Variants in GARS1 observed in about 807,000 individuals in gnomAD.
GARS1 encodes the protein glycine--tRNA ligase.
GARS1 carries 46 observed loss-of-function variants against 86.4 expected under a neutral mutation model. The observed-to-expected ratio is 0.53, with a 90% CI of 0.42 to 0.68. GARS1 has a LOEUF of 0.68. Among genes scored for constraint, GARS1 ranks in the 30% least tolerant of loss-of-function variants. GARS1 has a pLI of 0.00. For missense variants in GARS1, 797 were observed against 915.6 expected, an observed-to-expected ratio of 0.87 and a Z score of 1.67; for synonymous variants, 342 against 329.8, an observed-to-expected ratio of 1.04 and a Z score of -0.40.
chr7:30,606,073 C>T (rs935043923), intron 6 of GARS1, among the ~76,000 whole-genome samples: 12 of 152,140 alleles, frequency 7.9e-5, no homozygotes, highest in African/African-American at 2.9e-4. Context: ...CTGGATTTGG[C>T]TAATTACGTT....
intron 2 of GARS1, among the ~76,000 whole-genome samples, chr7:30,599,669 C>A (rs1270620619): frequency 6.6e-6 from 1 of 152,156 alleles, no homozygotes; most frequent in Middle Eastern, 3.2e-3. Context: ...TCCCAAAGTA[C>A]TGGGATTACA....
rs1783245742 is a variant in GARS1, at chr7:30,632,130, T to C, written c.1904-117T>C. 2 of 945,272 alleles carry C rather than the reference T, an allele frequency of 2.1e-6. No individual in the cohort carries two copies. Among genetic ancestry groups the C allele is most frequent in the South Asian group, 1.4e-5 (1 of 70,892 alleles). The allele number at this position is 945,272 out of a possible 1,614,324, so 58.6% of individuals were successfully genotyped here. Reference sequence around the variant, plus strand: ...TTTCTTTCTCTTGCAACTCAACTTGTTGCTTTCTTGTCTTGGTCCCATTTA... The same window carrying C: ...TTTCTTTCTCTTGCAACTCAACTTGCTGCTTTCTTGTCTTGGTCCCATTTA... On this transcript the variant is annotated intron_variant, in intron 15 of 16. Coordinates refer to ENST00000389266, the MANE Select transcript of GARS1 (RefSeq NM_002047.4). This position sits in a 1 kb window ranked among gnomAD's most constrained non-coding sequence, Gnocchi z 4.1.
chr7:30,620,639 T>C lies in GARS1; in HGVS notation c.1360-754T>C, dbSNP rs1268769558. ...TAAAAGTATCTTATGTGTGTATTTA[T>C]AAGAAAGGGAACCTGGCATCAATGT... On this transcript the variant is annotated intron_variant, in intron 10 of 16. Coordinates refer to ENST00000389266, the MANE Select transcript of GARS1 (RefSeq NM_002047.4). Among the ~76,000 whole-genome samples, 3 of 152,258 alleles carry C rather than the reference T, an allele frequency of 2.0e-5. No individual in the cohort carries two copies. In the East Asian group the frequency reaches 5.8e-4, roughly 29 times the overall value.
chr7:30,619,365 A>G (rs897073822), intron 10 of GARS1, among the ~76,000 whole-genome samples: 4 of 152,212 alleles, frequency 2.6e-5, no homozygotes, highest in Admixed American at 6.5e-5. Context: ...TAGAGAGTTT[A>G]ATACTTTTTG....
chr7:30,601,113 T>C lies in GARS1; in HGVS notation c.482T>C (p.Ile161Thr). The change falls in exon 4 of 17, where the codon ATT becomes ACT. Residue 161 changes from isoleucine (I) to threonine (T), a missense_variant. Coordinates refer to ENST00000389266, the MANE Select transcript of GARS1 (RefSeq NM_002047.4). ...GTTGGCTGTGCTTTGAAGAACAATA[T>C]TATTCAGACCTGGAGGCAGCACTTT... ...GPVGCALKNNIIQTWRQHFIQ... is the reference protein window; with the variant it reads ...GPVGCALKNNTIQTWRQHFIQ... 6.2e-7 allele frequency: 1 copy of C among 1,614,040 alleles called. No homozygotes were observed. The highest frequency in any genetic ancestry group is 1.1e-5 in the South Asian group (1 of 91,074).
chr7:30,609,718 G>A lies in GARS1; in HGVS notation c.869G>A (p.Gly290Glu), dbSNP rs1791558928. ...LMFKTFIGPG[G>E]NMPGYLRPET... ...TTCAAGACTTTCATTGGGCCTGGAG[G>A]AAACATGCCTGGGTATGTATCACTT... The change falls in exon 7 of 17, where the codon GGA (glycine) becomes GAA (glutamate). Residue 290 changes from glycine (G) to glutamate (E), a missense_variant. By Grantham distance (98) the Gly-to-Glu change is moderately conservative. Around this residue, in one of 2 missense-constraint regions of GARS1, gnomAD observed 598 missense variants for 738.7 expected, o/e 0.81. Transcript: ENST00000389266. 2.5e-6 allele frequency: 4 copies of A among 1,613,600 alleles called. No individual in the cohort carries two copies. The highest frequency in any genetic ancestry group is 3.4e-6 in the Non-Finnish European group (4 of 1,179,668).
At chr7:30,629,505 A>G (rs747266115) in intron 14 of GARS1, among the ~76,000 whole-genome samples, 1 of 152,160 alleles carries the variant, frequency 6.6e-6, no homozygotes, top group African/African-American at 2.4e-5. Context: ...GAGAGGTTGT[A>G]TATGTCAGGT....
At chr7:30,612,355 ATT>A (rs1782777345) in intron 8 of GARS1, 110 bp downstream of exon 8, 2 of 1,063,270 alleles carry the variant, frequency 1.9e-6, no homozygotes, top group South Asian at 2.7e-5. Context: ...TTATGAATTT[ATT>A]TTTGTTTTCT....
intron 6 of GARS1, among the ~76,000 whole-genome samples, chr7:30,607,192 T>C (rs1247054027): frequency 2.0e-5 from 3 of 152,274 alleles, no homozygotes; most frequent in Non-Finnish European, 4.4e-5. Context: ...CAGCTAGATA[T>C]GCAGTTAGTC....
chr7:30,612,230 G>A lies in GARS1; in HGVS notation c.1016G>A (p.Gly339Glu), dbSNP rs1157877525. The A allele has an allele frequency of 6.2e-7, 1 of 1,613,992 alleles. No individual in the cohort carries two copies. The highest frequency in any genetic ancestry group is 8.5e-7 in the Non-Finnish European group (1 of 1,179,988). ...SFRNEISPRS[G>E]LIRVREFTMA... ...AGAAATGAGATCTCCCCTCGATCTGGACTGATCAGAGTCAGGTACTGCTCA... is the reference window on the plus strand; with the variant it reads ...AGAAATGAGATCTCCCCTCGATCTGAACTGATCAGAGTCAGGTACTGCTCA... The change falls in exon 8 of 17, where the codon GGA (glycine) becomes GAA (glutamate). Residue 339 changes from glycine (G) to glutamate (E), a missense_variant. Physicochemically the swap from Gly to Glu is moderately conservative, Grantham distance 98. Transcript: ENST00000389266.
At chr7:30,595,589 A>G (rs1304029999) in intron 1 of GARS1, among the ~76,000 whole-genome samples, 1 of 152,168 alleles carries the variant, frequency 6.6e-6, no homozygotes, top group East Asian at 1.9e-4. Context: ...TCAGTGGTCA[A>G]TGATGAGCCG....
chr7:30,612,237 C>G lies in GARS1; in HGVS notation c.1023C>G (p.Ile341Met). Residue 341 changes from isoleucine to methionine, a missense_variant, in exon 8 of 17, where the codon ATC becomes ATG. Transcript: ENST00000389266. The stretch of plus-strand genomic sequence containing the variant: ...AGATCTCCCCTCGATCTGGACTGAT[C>G]AGAGTCAGGTACTGCTCAGGTTACT... ...RNEISPRSGL[I>M]RVREFTMAEI... The G allele has an allele frequency of 6.2e-7, 1 of 1,614,076 alleles. No individual in the cohort carries two copies. Among genetic ancestry groups the G allele is most frequent in the Non-Finnish European group, 8.5e-7 (1 of 1,179,938 alleles).
At position 30,598,814 on chromosome 7, in the gene GARS1, C is replaced by T. The variant is rs1791314569; in HGVS notation, c.241C>T (p.Leu81Phe). 6.2e-7 allele frequency: 1 copy of T among 1,613,904 alleles called. No homozygotes were observed. Among genetic ancestry groups the T allele is most frequent in the African/African-American group, 1.3e-5 (1 of 74,908 alleles). ...TGGCTAGGGAGATCTTGTGCGAAAA[C>T]TCAAAGAAGATAAAGCACCCCAAGT... ...VRQQGDLVRKLKEDKAPQVDV... is the reference protein window; with the variant it reads ...VRQQGDLVRKFKEDKAPQVDV... Residue 81 changes from leucine (L) to phenylalanine (F), a missense_variant, in exon 2 of 17, where the codon CTC becomes TTC. By Grantham distance (22) the Leu-to-Phe change is conservative. Coordinates refer to ENST00000389266, the MANE Select transcript of GARS1 (RefSeq NM_002047.4).
In GARS1 at chr7:30,632,432, G is replaced by A; in HGVS notation, c.2089G>A (p.Ala697Thr). The part of the protein sequence containing the change: ...RDRDSMRQIR[A>T]EISELPSIVQ... The stretch of plus-strand genomic sequence containing the variant: ...CCGTGACTCAATGCGGCAGATAAGA[G>A]CAGAGGTATCTGGCCTTCTCTTTGG... The change falls in exon 16 of 17, where the codon GCA (alanine) becomes ACA (threonine). Residue 697 changes from alanine (A) to threonine (T), a missense_variant. Around this residue, in one of 2 missense-constraint regions of GARS1, gnomAD observed 598 missense variants for 738.7 expected, o/e 0.81. Transcript: ENST00000389266. This position sits in a 1 kb window ranked among gnomAD's most constrained non-coding sequence, Gnocchi z 4.1. The A allele has an allele frequency of 1.2e-6, 2 of 1,614,170 alleles. No individual in the cohort carries two copies. Among genetic ancestry groups the A allele is most frequent in the Non-Finnish European group, 1.7e-6 (2 of 1,179,992 alleles).
At chr7:30,630,952 T>C (rs1336313725) in intron 14 of GARS1, among the ~76,000 whole-genome samples, 3 of 152,250 alleles carry the variant, frequency 2.0e-5, no homozygotes, top group Admixed American at 6.5e-5. Context: ...GTGAGCTAAT[T>C]AAACTTTTCT....
Position 30,604,557 on chromosome 7 carries a change from A to G in GARS1, c.735+985A>G, listed in dbSNP as rs184757725. The stretch of plus-strand genomic sequence containing the variant: ...CATGCTTTTTTTCTCTGTGATAGTT[A>G]ACTTTCCAACATAGCTAAAATAATT... On this transcript the variant is annotated intron_variant, in intron 6 of 16. Coordinates refer to ENST00000389266, the MANE Select transcript of GARS1 (RefSeq NM_002047.4). Among the ~76,000 whole-genome samples, 32 of 152,012 alleles carry G rather than the reference A, an allele frequency of 2.1e-4. No homozygotes were observed. In the East Asian group the frequency reaches 6.2e-3, roughly 29 times the overall value.
rs747012834 is a variant in GARS1 at position 30,622,438 on chromosome 7, T to C, written c.1589T>C (p.Met530Thr). Residue 530 changes from methionine to threonine, a missense_variant, in exon 12 of 17, where the codon ATG becomes ACG. By Grantham distance (81) the Met-to-Thr change is moderately conservative (BLOSUM62 -1). This residue lies in a region of GARS1 where 598 missense variants were observed against 738.7 expected (regional missense o/e 0.81). Coordinates refer to ENST00000389266, the MANE Select transcript of GARS1 (RefSeq NM_002047.4). Reference sequence around the variant, plus strand: ...TGTGATGAGTGCTACATTACAGAAATGGAGATGCTGCTGAATGAGAAAGGG... The same window carrying C: ...TGTGATGAGTGCTACATTACAGAAACGGAGATGCTGCTGAATGAGAAAGGG... ...AICDECYITE[M>T]EMLLNEKGEF... is the part of the protein sequence containing the mutation. 6.2e-7 allele frequency: 1 copy of C among 1,614,022 alleles called. No homozygotes were observed. The highest frequency in any genetic ancestry group is 8.5e-7 in the Non-Finnish European group (1 of 1,179,970).
intron 3 of GARS1, 102 bp downstream of exon 3, chr7:30,600,151 G>A: frequency 1.2e-6 from 1 of 845,986 alleles, no homozygotes; most frequent in Non-Finnish European, 2.0e-6. Flanking sequence ...CTTGTATCAG[G>A]CCACAAAGCA....
chr7:30,619,521 G>A (rs1782957994), intron 10 of GARS1, among the ~76,000 whole-genome samples: 1 of 152,082 alleles, frequency 6.6e-6, no homozygotes, highest in African/African-American at 2.4e-5. Context: ...GTACATAAAT[G>A]TTAGTTGACA....
Sources: gnomAD v4.1 joint callset for allele counts (sites outside exome capture counted in the v4.1 genomes callset) on GRCh38, gnomAD v4.1.1 for gene constraint, gnomAD v4.1.1 regional missense constraint, Gnocchi (gnomAD v3.1) non-coding constraint, MANE v1.5 for transcripts, NCBI Gene and HGNC (gene_info 2026-07-23, HGNC 2026-07-21) for gene names.